Variants in RMP64 observed in about 807,000 individuals in gnomAD.
The protein encoded by RMP64 is nucleolus and neural progenitor protein.
the RMP64 span, chr3:113,008,636 C>T: frequency 2.3e-6 from 1 of 436,298 alleles, no homozygotes; most frequent in South Asian, 4.9e-5. Flanking sequence ...AATATATATA[C>T]CTGCTACGTA....
the RMP64 span, chr3:113,006,027 A>G: frequency 6.5e-7 from 1 of 1,530,204 alleles, no homozygotes; most frequent in Non-Finnish European, 8.9e-7. Context: ...GAGAGAGGAA[A>G]AATCTGGGCT....
the RMP64 span, chr3:113,013,936 C>G: frequency 6.3e-7 from 1 of 1,579,522 alleles, no homozygotes; most frequent in Non-Finnish European, 8.7e-7. Context: ...CACAAAGCAA[C>G]TGGACCACTT....
chr3:113,019,313 G>A, the RMP64 span, among the ~76,000 whole-genome samples: 1 of 152,202 alleles, frequency 6.6e-6, no homozygotes, highest in Non-Finnish European at 1.5e-5. Flanking sequence ...CATCTCTCCA[G>A]CCAAGCCCTG....
At chr3:113,006,139 A>T in the RMP64 span, 3 of 656,450 alleles carry the variant, frequency 4.6e-6, no homozygotes, top group Non-Finnish European at 7.7e-6. Flanking sequence ...TCCCAGAACC[A>T]CATCGAAAAA....
the RMP64 span, chr3:113,011,339 C>A: frequency 2.3e-4 from 371 of 1,611,870 alleles, no homozygotes; most frequent in Non-Finnish European, 2.5e-4. Context: ...CTAGCGACCT[C>A]TTGAAGCAAT....
the RMP64 span, chr3:113,004,402 A>AGAT: frequency 6.6e-6 from 1 of 152,256 alleles, no homozygotes; most frequent in African/African-American, 2.4e-5. Context: ...CCACTGGTAG[A>AGAT]GATAACTGAG....
chr3:113,012,543 C>G, the RMP64 span: 4 of 434,650 alleles, frequency 9.2e-6, no homozygotes, highest in Non-Finnish European at 8.1e-6. Context: ...AGATACAAAG[C>G]CTACTCCTTT....
chr3:113,005,269 A>ATT, the RMP64 span: 143 of 456,662 alleles, frequency 3.1e-4, no homozygotes, highest in Non-Finnish European at 5.3e-4. Flanking sequence ...TCACTCAAGG[A>ATT]ATTACATCTG....
the RMP64 span, chr3:113,019,605 C>A: frequency 3.7e-6 from 6 of 1,613,768 alleles, no homozygotes; most frequent in Admixed American, 6.7e-5. Context: ...GGGATTCTCA[C>A]ACGGTTCCAC....
the RMP64 span, among the ~76,000 whole-genome samples, chr3:113,018,764 A>G: frequency 1.7e-4 from 26 of 152,200 alleles, no homozygotes; most frequent in African/African-American, 5.8e-4. Context: ...CTTTCTCTAC[A>G]TTATCAACTC....
the RMP64 span, among the ~76,000 whole-genome samples, chr3:113,015,487 A>G: frequency 6.6e-6 from 1 of 152,096 alleles, no homozygotes; most frequent in Non-Finnish European, 1.5e-5. Context: ...ATGTCTTCCT[A>G]TTTTTACTAC....
the RMP64 span, chr3:113,008,644 G>A: frequency 2.4e-5 from 9 of 380,390 alleles, no homozygotes; most frequent in South Asian, 7.2e-5. Flanking sequence ...TACCTGCTAC[G>A]TACCCACAAA....
the RMP64 span, among the ~76,000 whole-genome samples, chr3:113,007,690 A>G: frequency 6.6e-6 from 1 of 152,254 alleles, no homozygotes; most frequent in African/African-American, 2.4e-5. Context: ...CAGCTGCTAC[A>G]AACAGTAGCA....
At chr3:113,010,946 G>C in the RMP64 span, 1 of 1,130,710 alleles carries the variant, frequency 8.8e-7, no homozygotes, top group South Asian at 1.6e-5. Flanking sequence ...GTGAGATGTT[G>C]AATTTCTTTC....
chr3:113,010,920 G>T, the RMP64 span: 1 of 923,908 alleles, frequency 1.1e-6, no homozygotes. Flanking sequence ...TAATCAATAT[G>T]AGTCAAAATT....
At chr3:113,002,989 G>C in the RMP64 span, 1 of 152,276 alleles carries the variant, frequency 6.6e-6, no homozygotes, top group Admixed American at 6.5e-5. Flanking sequence ...CAAGAGGATT[G>C]GAAGTGACAC....
the RMP64 span, chr3:113,019,018 A>C: frequency 6.5e-6 from 1 of 154,998 alleles, no homozygotes; most frequent in African/African-American, 2.4e-5. Flanking sequence ...CTCCTAAATT[A>C]CATCATTAGA....
At chr3:113,005,739 G>A in the RMP64 span, 1 of 1,613,902 alleles carries the variant, frequency 6.2e-7, no homozygotes, top group South Asian at 1.1e-5. Flanking sequence ...TTACTGTTAG[G>A]GTAGAGATCA....
At chr3:113,008,011 T>G in the RMP64 span, among the ~76,000 whole-genome samples, 1 of 152,192 alleles carries the variant, frequency 6.6e-6, no homozygotes, top group Non-Finnish European at 1.5e-5. Flanking sequence ...AGCTTTGCTC[T>G]TACAATAAAA....
Sources: gnomAD v4.1 joint callset for allele counts (sites outside exome capture counted in the v4.1 genomes callset) on GRCh38, gnomAD v4.1.1 for gene constraint, MANE v1.5 for transcripts, NCBI Gene and HGNC (gene_info 2026-07-23, HGNC 2026-07-21) for gene names.